The following ADAD1 variants were observed in gnomAD, a reference collection of about 807,000 sequenced individuals.
ADAD1 encodes adenosine deaminase domain containing 1.
A neutral mutation model predicts 66.8 loss-of-function variants in ADAD1; 46 were observed. That is an observed-to-expected ratio of 0.69 (90% confidence interval 0.54 to 0.88). The LOEUF (loss-of-function observed/expected upper bound fraction) is 0.88. Ranked by LOEUF, ADAD1 falls within the 40% of genes least tolerant of loss-of-function variation. ADAD1 has a pLI of 0.00. For missense variants in ADAD1, 617 were observed against 681.8 expected (o/e 0.91, Z 1.06); for synonymous variants, 248 against 229.4 (o/e 1.08, Z -0.73).
intron 7 of ADAD1, among the ~76,000 whole-genome samples, chr4:122,405,024 G>A (rs1037181796): frequency 1.3e-5 from 2 of 152,186 alleles, no homozygotes; most frequent in Non-Finnish European, 2.9e-5. Flanking sequence ...AAGAAGCTGA[G>A]TTCTTTGCTA....
chr4:122,429,755 A>G lies in ADAD1; in HGVS notation c.*16A>G, dbSNP rs1797432935. The G allele has an allele frequency of 4.0e-6, 6 of 1,518,636 alleles. No individual in the cohort carries two copies. In the East Asian group the frequency reaches 1.4e-4, roughly 34 times the overall value. The allele number at this position is 1,518,636 out of a possible 1,614,324, so 94.1% of individuals were successfully genotyped here. A position where few individuals can be genotyped will look rare whatever the true frequency, so the allele number is the denominator to read the frequency against. On this transcript the variant is annotated 3_prime_UTR_variant, in exon 13 of 13. Transcript: ENST00000296513. ...TAACATGTGAAATAGGCAATCCATT[A>G]TCACATTAAAAATCTTGTTTTGTTT...
rs1796531511 is a variant in ADAD1, at chr4:122,412,902, CATACGTGAA to C, written c.1249+95_1249+103del. ...AGTATAAAATTAGTTTTAGTTTTTG[CATACGTGAA>C]ACTTTATTTAAGGTCAAAACACAGA... On this transcript the variant is annotated intron_variant, in intron 10 of 12. Coordinates refer to ENST00000296513, the MANE Select transcript of ADAD1 (RefSeq NM_139243.4). 5 of 1,056,610 alleles carry C rather than the reference CATACGTGAA, an allele frequency of 4.7e-6. No homozygotes were observed. The Admixed American group carries it at 8.8e-5, about 19-fold the overall frequency. 65.5% of individuals were successfully genotyped at this position (1,056,610 alleles called of 1,614,324 possible).
intron 4 of ADAD1, 135 bp downstream of exon 4, chr4:122,381,315 T>C: frequency 1.1e-6 from 1 of 904,268 alleles, no homozygotes; most frequent in Non-Finnish European, 1.6e-6. Flanking sequence ...CTTAAATGTT[T>C]ATGTTCACAC....
chr4:122,388,370 T>C (rs1795276220), intron 5 of ADAD1, among the ~76,000 whole-genome samples: 1 of 152,240 alleles, frequency 6.6e-6, no homozygotes, highest in Admixed American at 6.5e-5. Context: ...ATCAGGATGA[T>C]GCTGGCTTCA....
rs1401693831 is a variant in ADAD1, at chr4:122,415,453, A to G, written c.1324A>G (p.Lys442Glu). Reference sequence around the variant, plus strand: ...ACGTGTTGATGATGCACTCACTTCAAAACTTCCAATGTTTTACTTAGTCAA... The same window carrying G: ...ACGTGTTGATGATGCACTCACTTCAGAACTTCCAATGTTTTACTTAGTCAA... ...KQRVDDALTS[K>E]LPMFYLVNRP... The change falls in exon 11 of 13, where the codon AAA becomes GAA. Residue 442 changes from lysine (K) to glutamate (E), a missense_variant. Lys to Glu is a moderately conservative substitution (Grantham distance 56). Coordinates refer to ENST00000296513, the MANE Select transcript of ADAD1 (RefSeq NM_139243.4). 3 of 1,613,800 alleles carry G rather than the reference A, an allele frequency of 1.9e-6. No individual in the cohort carries two copies. Among genetic ancestry groups the G allele is most frequent in the African/African-American group, 1.3e-5 (1 of 74,914 alleles).
intron 7 of ADAD1, 33 bp from the exon 8 acceptor site, chr4:122,407,875 A>G (rs756215147): frequency 6.2e-7 from 1 of 1,606,064 alleles, no homozygotes; most frequent in Non-Finnish European, 8.5e-7. Context: ...GAGAGGTTAA[A>G]TTAACCTGCT....
chr4:122,413,207 T>A (rs1019596720), intron 10 of ADAD1, among the ~76,000 whole-genome samples: 6 of 152,174 alleles, frequency 3.9e-5, no homozygotes, highest in Non-Finnish European at 8.8e-5. Context: ...TGCTGAAGTT[T>A]CATATTTTGA....
chr4:122,415,838 T>C (rs1420940895), intron 11 of ADAD1, among the ~76,000 whole-genome samples: 1 of 152,134 alleles, frequency 6.6e-6, no homozygotes. Flanking sequence ...AGAAGTTATA[T>C]AGCTTACTGA....
intron 9 of ADAD1, among the ~76,000 whole-genome samples, chr4:122,412,340 G>A (rs547074628): frequency 6.6e-6 from 1 of 152,174 alleles, no homozygotes; most frequent in South Asian, 2.1e-4. Flanking sequence ...GACATAAAGT[G>A]GTGATAATAT....
chr4:122,399,740 C>CTTTTTTTTTTTTT (rs145100591), intron 7 of ADAD1, among the ~76,000 whole-genome samples: 8 of 110,516 alleles, frequency 7.2e-5, no homozygotes, highest in South Asian at 2.7e-4. Context: ...ATTTTCTTTT[C>CTTTTTTTTTTTTT]TTTTTTTTTT....
At chr4:122,381,892 T>C (rs1411468141) in intron 4 of ADAD1, among the ~76,000 whole-genome samples, 1 of 152,248 alleles carries the variant, frequency 6.6e-6, no homozygotes, top group Non-Finnish European at 1.5e-5. Context: ...AGTTAGGTTG[T>C]TTCTTTAATT....
At chr4:122,390,431 T>G (rs1474955217) in intron 5 of ADAD1, among the ~76,000 whole-genome samples, 2 of 152,228 alleles carry the variant, frequency 1.3e-5, no homozygotes, top group Middle Eastern at 3.2e-3. Flanking sequence ...GAAGTTCTCC[T>G]GGATAACATC....
intron 7 of ADAD1, among the ~76,000 whole-genome samples, chr4:122,398,442 T>A (rs979397069): frequency 6.6e-6 from 1 of 152,120 alleles, no homozygotes; most frequent in Non-Finnish European, 1.5e-5. Context: ...TAAACGTGTG[T>A]GCAAGTGTCT....
chr4:122,403,748 C>T (rs1385413323), intron 7 of ADAD1, among the ~76,000 whole-genome samples: 4 of 152,048 alleles, frequency 2.6e-5, no homozygotes, highest in African/African-American at 9.7e-5. Flanking sequence ...CTGTAGAGCT[C>T]CCAAGAGTGC....
rs931117970 is a variant in ADAD1, at chr4:122,424,271, G to A, written c.1617+2881G>A. 2.0e-5 allele frequency among the ~76,000 whole-genome samples: 3 copies of A among 152,128 alleles called. No homozygotes were observed. The East Asian group carries it at 5.8e-4, about 29-fold the overall frequency. ...ATACCAGATGATAGCAAATCCACAG[G>A]AAGGAATAATAAATACTGAAAATGA... On this transcript the variant is annotated intron_variant, in intron 12 of 12. Coordinates refer to ENST00000296513, the MANE Select transcript of ADAD1 (RefSeq NM_139243.4).
chr4:122,412,399 T>C (rs912690296), intron 9 of ADAD1, among the ~76,000 whole-genome samples, 181 bp from the exon 10 acceptor site: 2 of 152,126 alleles, frequency 1.3e-5, no homozygotes, highest in Admixed American at 1.3e-4. Context: ...TTCTGTTTTA[T>C]AGTACTATTG....
chr4:122,423,483 C>T (rs1247935756), intron 12 of ADAD1, among the ~76,000 whole-genome samples: 10 of 152,206 alleles, frequency 6.6e-5, no homozygotes, highest in African/African-American at 2.4e-4. Flanking sequence ...CTGACTGTAA[C>T]ATTCAGTACA....
chr4:122,391,687 G>C (rs1174301085), intron 5 of ADAD1, among the ~76,000 whole-genome samples: 7 of 152,162 alleles, frequency 4.6e-5, no homozygotes, highest in African/African-American at 1.4e-4. Flanking sequence ...GATAAGTCTT[G>C]GGACTTGTCT....
intron 5 of ADAD1, among the ~76,000 whole-genome samples, chr4:122,387,219 A>C (rs891851403): frequency 6.6e-6 from 1 of 152,104 alleles, no homozygotes; most frequent in South Asian, 2.1e-4. Flanking sequence ...TTCCCCGAGC[A>C]GTGGTTTGTA....
Sources: gnomAD v4.1 joint callset for allele counts (sites outside exome capture counted in the v4.1 genomes callset) on GRCh38, gnomAD v4.1.1 for gene constraint, MANE v1.5 for transcripts, NCBI Gene and HGNC (gene_info 2026-07-23, HGNC 2026-07-21) for gene names.